PACRG: variants seen among roughly 807,000 people sequenced by gnomAD.
The protein encoded by PACRG is parkin coregulated gene protein.
A neutral mutation model predicts 29.7 loss-of-function variants in PACRG; 29 were observed. That is an observed-to-expected ratio of 0.98 (90% CI 0.73 to 1.33). PACRG has a LOEUF of 1.33. PACRG is among the 40% of genes most tolerant of loss of function. PACRG has a pLI of 0.00. For synonymous variants in PACRG, 116 were observed against 118.7 expected (o/e 0.98, Z 0.15); for missense variants, 279 against 316.2 (o/e 0.88, Z 0.89).
At chr6:162,903,695 G>A (rs9295205) in intron 2 of PACRG, among the ~76,000 whole-genome samples, 27,895 of 152,086 alleles carry the variant, frequency 0.18, 2,980 homozygotes, top group Non-Finnish European at 0.24. Flanking sequence ...TGAGATTCGG[G>A]TGGAGACACA....
intron 2 of PACRG, among the ~76,000 whole-genome samples, chr6:162,876,886 A>G (rs1019545165): frequency 6.6e-6 from 1 of 152,170 alleles, no homozygotes; most frequent in African/African-American, 2.4e-5. Context: ...TAATTTTTGT[A>G]TAAGGTGTAA....
intron 2 of PACRG, among the ~76,000 whole-genome samples, chr6:163,052,646 G>A (rs538120980): frequency 1.3e-5 from 2 of 152,146 alleles, no homozygotes; most frequent in South Asian, 4.1e-4. Context: ...GGCCTCCCCA[G>A]CCATGCAGAA....
Position 163,115,065 on chromosome 6 carries a change from A to G in PACRG, c.613+25657A>G, listed in dbSNP as rs182346376. Reference sequence around the variant, plus strand: ...GATGTGTCTATGATTTCCCAGTGACATGGATCATTTAGGATTGTAATCAAC... The same window carrying G: ...GATGTGTCTATGATTTCCCAGTGACGTGGATCATTTAGGATTGTAATCAAC... On this transcript the variant is annotated intron_variant, in intron 4 of 4. Coordinates refer to ENST00000366888, the MANE Select transcript of PACRG (RefSeq NM_001080379.2). 4.0e-3 allele frequency among the ~76,000 whole-genome samples: 611 copies of G among 152,352 alleles called. 5 individuals are homozygous for G. Among genetic ancestry groups the G allele is most frequent in the African/African-American group, 0.014 (564 of 41,578 alleles).
At chr6:162,883,712 G>GTA (rs3028609) in intron 2 of PACRG, among the ~76,000 whole-genome samples, 13,212 of 149,824 alleles carry the variant, frequency 0.088, 753 homozygotes, top group African/African-American at 0.16. Flanking sequence ...GTGTGTGTGT[G>GTA]TGTATGTATG....
At position 163,055,904 on chromosome 6, in the gene PACRG, C is replaced by T. The variant is rs1337125259; in HGVS notation, c.292-6246C>T. Among the ~76,000 whole-genome samples the T allele has an allele frequency of 1.3e-5, 2 of 152,128 alleles. No homozygotes were observed. The highest frequency in any genetic ancestry group is 2.9e-5 in the Non-Finnish European group (2 of 68,032). ...TTCTGTCTCTTGGATTTGTCTATTCCGAACGTTTCATAGAAATGGAATCGT... is the reference window on the plus strand; with the variant it reads ...TTCTGTCTCTTGGATTTGTCTATTCTGAACGTTTCATAGAAATGGAATCGT... On this transcript the variant is annotated intron_variant, in intron 2 of 4. Coordinates refer to ENST00000366888, the MANE Select transcript of PACRG (RefSeq NM_001080379.2). This position sits in a 1 kb window ranked among gnomAD's most constrained non-coding sequence, Gnocchi z 4.0.
At chr6:162,746,049 A>T (rs1262079795) in intron 1 of PACRG, among the ~76,000 whole-genome samples, 1 of 151,978 alleles carries the variant, frequency 6.6e-6, no homozygotes, top group Admixed American at 6.6e-5. Context: ...GTAATACTAT[A>T]AAAAAATTAT....
intron 1 of PACRG, among the ~76,000 whole-genome samples, chr6:162,783,523 C>A (rs927679275): frequency 1.9e-4 from 29 of 152,058 alleles, no homozygotes; most frequent in Admixed American, 1.9e-3. Flanking sequence ...TCTTTCTCTG[C>A]TAATAATTAG....
intron 4 of PACRG, among the ~76,000 whole-genome samples, chr6:163,306,209 C>T (rs1785192862): frequency 6.6e-6 from 1 of 152,190 alleles, no homozygotes; most frequent in Admixed American, 6.5e-5. Flanking sequence ...ATTATTACTC[C>T]ACCATGAGAT....
intron 2 of PACRG, among the ~76,000 whole-genome samples, chr6:163,053,451 C>T: frequency 6.6e-6 from 1 of 152,028 alleles, no homozygotes; most frequent in East Asian, 1.9e-4. Context: ...CTGTAAAAAA[C>T]AGAACTGTTG....
chr6:162,747,200 G>A (rs1282951167), intron 1 of PACRG, among the ~76,000 whole-genome samples: 1 of 150,692 alleles, frequency 6.6e-6, no homozygotes, highest in Non-Finnish European at 1.5e-5. Context: ...GCAGAAAAAT[G>A]TGAACAGAGA....
At chr6:162,799,277 G>A (rs913394790) in intron 1 of PACRG, among the ~76,000 whole-genome samples, 3 of 152,222 alleles carry the variant, frequency 2.0e-5, no homozygotes, top group Non-Finnish European at 4.4e-5. Context: ...AGTGAAAGAT[G>A]CATTACTATC....
intron 3 of PACRG, among the ~76,000 whole-genome samples, chr6:163,077,638 AT>A (rs1231008941): frequency 6.6e-6 from 1 of 152,188 alleles, no homozygotes; most frequent in East Asian, 1.9e-4. Flanking sequence ...TTATCTTGAC[AT>A]TTTCCAAGTA....
At chr6:162,821,618 C>T (rs1434960766) in intron 2 of PACRG, among the ~76,000 whole-genome samples, 1 of 152,046 alleles carries the variant, frequency 6.6e-6, no homozygotes, top group Admixed American at 6.6e-5. Flanking sequence ...CACTGCCCAC[C>T]CTCTCAGTGG....
At chr6:162,918,277 C>A (rs1280277452) in intron 2 of PACRG, among the ~76,000 whole-genome samples, 1 of 152,112 alleles carries the variant, frequency 6.6e-6, no homozygotes, top group East Asian at 1.9e-4. Context: ...AGCATAACGC[C>A]TCTGGAAGTG....
chr6:163,147,227 C>T (rs1205666), intron 4 of PACRG, among the ~76,000 whole-genome samples: 112,001 of 152,164 alleles, frequency 0.74, 42,047 homozygotes, highest in African/African-American at 0.9. Flanking sequence ...ATGTCTAAGA[C>T]CCAAATTAAA....
intron 2 of PACRG, among the ~76,000 whole-genome samples, chr6:162,835,571 A>G (rs966755432): frequency 2.0e-5 from 3 of 152,168 alleles, no homozygotes; most frequent in African/African-American, 7.2e-5. Context: ...ATAAATATGT[A>G]TTTAATTATA....
intron 2 of PACRG, among the ~76,000 whole-genome samples, chr6:162,901,891 G>A (rs1202326808): frequency 6.6e-6 from 1 of 152,206 alleles, no homozygotes; most frequent in Non-Finnish European, 1.5e-5. Context: ...GGATCGCTAA[G>A]GTAATTACAG....
intron 4 of PACRG, among the ~76,000 whole-genome samples, chr6:163,113,171 G>T (rs1056990917): frequency 1.3e-5 from 2 of 152,122 alleles, no homozygotes; most frequent in Non-Finnish European, 2.9e-5. Flanking sequence ...TGAATTTAAA[G>T]ATAACACAAT....
Position 163,094,015 on chromosome 6 carries a change from G to A in PACRG, c.613+4607G>A, listed in dbSNP as rs115039141. Reference sequence around the variant, plus strand: ...CATCTTTTAAAACAACTTCTAAGGAGAACCTAGGCCTTGTAAGTCAACCTG... The same window carrying A: ...CATCTTTTAAAACAACTTCTAAGGAAAACCTAGGCCTTGTAAGTCAACCTG... On this transcript the variant is annotated intron_variant, in intron 4 of 4. Coordinates refer to ENST00000366888, the MANE Select transcript of PACRG (RefSeq NM_001080379.2). 6.7e-3 allele frequency among the ~76,000 whole-genome samples: 1,025 copies of A among 152,246 alleles called. 11 individuals are homozygous for A. The highest frequency in any genetic ancestry group is 0.024 in the African/African-American group (980 of 41,562).
Sources: gnomAD v4.1 joint callset for allele counts (sites outside exome capture counted in the v4.1 genomes callset) on GRCh38, gnomAD v4.1.1 for gene constraint, Gnocchi (gnomAD v3.1) non-coding constraint, MANE v1.5 for transcripts, NCBI Gene and HGNC (gene_info 2026-07-23, HGNC 2026-07-21) for gene names.